ROBO2: variants seen among roughly 807,000 people sequenced by gnomAD.
ROBO2 encodes roundabout homolog 2.
Under a neutral mutation model 160.8 loss-of-function variants are expected in ROBO2, and 53 were observed. The ratio of observed to expected loss-of-function variants is 0.33; its 90% confidence interval spans 0.26 to 0.41. The LOEUF is 0.41. ROBO2 is among the 10% of genes least tolerant of loss of function. ROBO2 has a pLI of 1.00. For synonymous variants in ROBO2, 664 were observed against 611.7 expected (o/e 1.09, Z -1.26); for missense variants, 1,577 against 1,722.4 (o/e 0.92, Z 1.49).
At chr3:76,183,475 T>G (rs1701605433) in intron 2 of ROBO2, among the ~76,000 whole-genome samples, 1 of 152,080 alleles carries the variant, frequency 6.6e-6, no homozygotes, top group Non-Finnish European at 1.5e-5. Context: ...TATGGTCAGT[T>G]TTACTATAGT....
intron 12 of ROBO2, 134 bp from the exon 14 acceptor site, chr3:77,568,179 T>G: frequency 1.1e-6 from 1 of 928,854 alleles, no homozygotes; most frequent in Non-Finnish European, 1.7e-6. Flanking sequence ...GCTTAAATGC[T>G]TTTTGTCACA....
At chr3:76,147,366 G>A (rs566246049) in intron 2 of ROBO2, among the ~76,000 whole-genome samples, 1 of 127,098 alleles carries the variant, frequency 7.9e-6, no homozygotes, top group Non-Finnish European at 1.8e-5. Flanking sequence ...TAATAATTAA[G>A]GAATCAATAT....
chr3:76,647,719 G>T (rs1237759580), intron 2 of ROBO2, among the ~76,000 whole-genome samples: 1 of 151,988 alleles, frequency 6.6e-6, no homozygotes, highest in Non-Finnish European at 1.5e-5. Context: ...GAGGTGAAAA[G>T]AATCGCCTGT....
intron 2 of ROBO2, among the ~76,000 whole-genome samples, chr3:76,882,142 T>A (rs1271473641): frequency 6.6e-6 from 1 of 150,932 alleles, no homozygotes; most frequent in Non-Finnish European, 1.5e-5. Context: ...GGTGGTAGGT[T>A]GGTTGGGGGG....
intron 2 of ROBO2, among the ~76,000 whole-genome samples, chr3:77,435,674 G>A (rs966102444): frequency 2.6e-4 from 40 of 151,820 alleles, no homozygotes; most frequent in African/African-American, 9.6e-4. Context: ...CAATACCAAA[G>A]GAATGATATA....
At chr3:76,059,012 G>A (rs1156613954) in intron 2 of ROBO2, among the ~76,000 whole-genome samples, 1 of 150,516 alleles carries the variant, frequency 6.6e-6, no homozygotes, top group Admixed American at 6.6e-5. Flanking sequence ...GTATTCCATG[G>A]TGTATATGTG....
rs192369816 is a variant in ROBO2, at chr3:77,296,343, C to A, written c.389-181071C>A. Among the ~76,000 whole-genome samples, 19 of 151,134 alleles carry A rather than the reference C, an allele frequency of 1.3e-4. No homozygotes were observed. In the South Asian group the frequency reaches 2.1e-3, roughly 17 times the overall value. On this transcript the variant is annotated intron_variant, in intron 2 of 25. Transcript: ENST00000461745. ...CGGGCAAGCTGAGGCTAGATCACCCCAGACATAAAGTAAAATTGACGGTTA... is the reference window on the plus strand; with the variant it reads ...CGGGCAAGCTGAGGCTAGATCACCCAAGACATAAAGTAAAATTGACGGTTA...
chr3:76,640,305 C>T (rs1046430357), intron 2 of ROBO2, among the ~76,000 whole-genome samples: 2 of 152,068 alleles, frequency 1.3e-5, no homozygotes, highest in African/African-American at 2.4e-5. Flanking sequence ...CCTAGGGGAG[C>T]GGATTGCCTG....
chr3:76,634,718 T>C (rs973174790), intron 2 of ROBO2, among the ~76,000 whole-genome samples: 8 of 152,122 alleles, frequency 5.3e-5, no homozygotes, highest in African/African-American at 1.7e-4. Context: ...CAAAAGAAAT[T>C]GCAAGGCACA....
At chr3:76,604,816 G>T (rs992072771) in intron 2 of ROBO2, among the ~76,000 whole-genome samples, 1 of 152,168 alleles carries the variant, frequency 6.6e-6, no homozygotes, top group Non-Finnish European at 1.5e-5. Context: ...TCACCTGCTT[G>T]CTGAGAAGGT....
chr3:77,188,286 TCCAA>T (rs2081471856), intron 2 of ROBO2, among the ~76,000 whole-genome samples: 1 of 151,674 alleles, frequency 6.6e-6, no homozygotes, highest in South Asian at 2.1e-4. Context: ...AGGATATTTT[TCCAA>T]CCAAAGGATT....
At chr3:76,661,298 A>G (rs2091808571) in intron 2 of ROBO2, among the ~76,000 whole-genome samples, 1 of 152,214 alleles carries the variant, frequency 6.6e-6, no homozygotes, top group Admixed American at 6.5e-5. Context: ...GTAGGAAAAT[A>G]CAAGAATGTC....
intron 2 of ROBO2, among the ~76,000 whole-genome samples, chr3:75,984,783 A>G (rs2065369703): frequency 6.6e-6 from 1 of 151,422 alleles, no homozygotes; most frequent in Non-Finnish European, 1.5e-5. Context: ...CCAACCCAGA[A>G]AATCTGGCTT....
At position 77,227,836 on chromosome 3, in the gene ROBO2, T is replaced by TTTAGAGGG. The variant is rs2086669201; in HGVS notation, c.388+129496_388+129497insTTAGAGGG. Among the ~76,000 whole-genome samples the TTTAGAGGG allele has an allele frequency of 5.9e-5, 9 of 152,370 alleles. No homozygotes were observed. The South Asian group carries it at 1.9e-3, about 32-fold the overall frequency. On this transcript the variant is annotated intron_variant, in intron 2 of 25. Transcript: ENST00000461745. The stretch of plus-strand genomic sequence containing the variant: ...TCATTGACTGTCAAGTCAGTCAAAA[T>TTTAGAGGG]AGTGAAACTAGTTTTCGCATGTATG...
At chr3:77,531,038 T>C (rs1000687763) in intron 6 of ROBO2, among the ~76,000 whole-genome samples, 4 of 151,998 alleles carry the variant, frequency 2.6e-5, no homozygotes, top group Non-Finnish European at 5.9e-5. Flanking sequence ...ATGAGTAATT[T>C]GGAAAGGAAC....
At chr3:75,988,450 T>C (rs1280148794) in intron 2 of ROBO2, among the ~76,000 whole-genome samples, 2 of 152,096 alleles carry the variant, frequency 1.3e-5, no homozygotes, top group East Asian at 1.9e-4. Context: ...GTTTTTCACA[T>C]TGATTTTTTT....
intron 2 of ROBO2, among the ~76,000 whole-genome samples, chr3:76,246,939 T>G (rs1705657230): frequency 6.6e-6 from 1 of 152,156 alleles, no homozygotes; most frequent in Non-Finnish European, 1.5e-5. Flanking sequence ...TCTTATTTTT[T>G]CCATCTTAGT....
chr3:76,823,521 G>A (rs1182709285), intron 2 of ROBO2, among the ~76,000 whole-genome samples: 4 of 152,134 alleles, frequency 2.6e-5, no homozygotes, highest in African/African-American at 9.7e-5. Flanking sequence ...TATTTGGCCT[G>A]TGCTTTGTTC....
intron 16 of ROBO2, among the ~76,000 whole-genome samples, chr3:77,583,176 G>A (rs868684377): frequency 1.0e-3 from 148 of 143,272 alleles, no homozygotes; most frequent in African/African-American, 3.3e-3. Flanking sequence ...AAAAAAAAAG[G>A]AAAAAACATT....
Sources: gnomAD v4.1 joint callset for allele counts (sites outside exome capture counted in the v4.1 genomes callset) on GRCh38, gnomAD v4.1.1 for gene constraint, MANE v1.5 for transcripts, NCBI Gene and HGNC (gene_info 2026-07-23, HGNC 2026-07-21) for gene names.